The following PDZD8 variants were observed in gnomAD, a reference collection of about 807,000 sequenced individuals.
PDZD8 encodes the protein PDZ domain containing 8, also known as PDZ domain-containing protein 8.
A neutral mutation model predicts 85.8 loss-of-function variants in PDZD8; 14 were observed. That is an observed-to-expected ratio of 0.16 (90% CI 0.11 to 0.26). The LOEUF is 0.26. Among genes scored for constraint, PDZD8 ranks in the 10% least tolerant of loss-of-function variants. The pLI, the probability that PDZD8 is intolerant of heterozygous loss-of-function variation, is 1.00. For missense variants in PDZD8, 1,197 were observed against 1,424.3 expected, an observed-to-expected ratio of 0.84 and a Z score of 2.57; for synonymous variants, 592 against 568.6, an observed-to-expected ratio of 1.04 and a Z score of -0.59.
chr10:117,305,413 A>T (rs1486350943), intron 3 of PDZD8, among the ~76,000 whole-genome samples: 1 of 151,606 alleles, frequency 6.6e-6, no homozygotes, highest in Non-Finnish European at 1.5e-5. Flanking sequence ...ACTCTGTCTC[A>T]AAAACAAACA....
At chr10:117,367,105 A>G (rs1030253468) in intron 1 of PDZD8, among the ~76,000 whole-genome samples, 3 of 152,166 alleles carry the variant, frequency 2.0e-5, no homozygotes, top group Admixed American at 6.5e-5. Flanking sequence ...ATACTTGTAC[A>G]TTACTGATTT....
intron 1 of PDZD8, among the ~76,000 whole-genome samples, chr10:117,357,156 G>T (rs1390265502): frequency 6.6e-6 from 1 of 152,174 alleles, no homozygotes; most frequent in African/African-American, 2.4e-5. Flanking sequence ...ACTTTGGAAG[G>T]CCACAGAAGG....
chr10:117,298,991 G>A (rs1843801812), intron 3 of PDZD8, among the ~76,000 whole-genome samples: 1 of 151,992 alleles, frequency 6.6e-6, no homozygotes, highest in South Asian at 2.1e-4. Flanking sequence ...TGCAAAATGA[G>A]GCAGTACAAT....
chr10:117,287,467 A>T (rs1373713563), intron 4 of PDZD8, among the ~76,000 whole-genome samples: 1 of 152,192 alleles, frequency 6.6e-6, no homozygotes, highest in African/African-American at 2.4e-5. Flanking sequence ...ACTACTGGAC[A>T]TCACCACCTG....
At chr10:117,305,019 C>T (rs1033184840) in intron 3 of PDZD8, among the ~76,000 whole-genome samples, 1 of 152,286 alleles carries the variant, frequency 6.6e-6, no homozygotes, top group Middle Eastern at 3.4e-3. Context: ...TCATCCATGT[C>T]TGTGGGTTCT....
chr10:117,324,181 T>C (rs577419880), intron 2 of PDZD8, among the ~76,000 whole-genome samples: 5 of 120,420 alleles, frequency 4.2e-5, no homozygotes, highest in African/African-American at 6.7e-5. Flanking sequence ...TGAGCCAAGA[T>C]GGTCCAGCGT....
At chr10:117,343,428 TTA>T (rs1250539615) in intron 1 of PDZD8, among the ~76,000 whole-genome samples, 1 of 152,162 alleles carries the variant, frequency 6.6e-6, no homozygotes, top group Non-Finnish European at 1.5e-5. Flanking sequence ...CACCAAATTT[TTA>T]GAGGGAAAAA....
chr10:117,300,857 T>A (rs1390189526), intron 3 of PDZD8, among the ~76,000 whole-genome samples: 1 of 152,156 alleles, frequency 6.6e-6, no homozygotes, highest in Non-Finnish European at 1.5e-5. Context: ...AGACAGTGAA[T>A]CTGCTGGTGC....
At chr10:117,304,258 T>G (rs891431475) in intron 3 of PDZD8, among the ~76,000 whole-genome samples, 1 of 152,218 alleles carries the variant, frequency 6.6e-6, no homozygotes, top group African/African-American at 2.4e-5. Flanking sequence ...AAAATTTGAC[T>G]GCCCTTCTGG....
At chr10:117,319,313 CAA>C (rs1844184610) in intron 2 of PDZD8, among the ~76,000 whole-genome samples, 2 of 151,472 alleles carry the variant, frequency 1.3e-5, no homozygotes, top group Admixed American at 1.3e-4. Flanking sequence ...TAAAAACAAA[CAA>C]GATGCAGAAT....
intron 1 of PDZD8, among the ~76,000 whole-genome samples, chr10:117,349,061 A>G (rs969673079): frequency 1.3e-5 from 2 of 152,192 alleles, no homozygotes; most frequent in Non-Finnish European, 2.9e-5. Context: ...TCCTTTTATT[A>G]AAAAGTTACA....
chr10:117,360,370 A>G (rs1844975936), intron 1 of PDZD8, among the ~76,000 whole-genome samples: 1 of 152,182 alleles, frequency 6.6e-6, no homozygotes, highest in South Asian at 2.1e-4. Context: ...CCTATGATCA[A>G]TTAAATCAAA....
intron 3 of PDZD8, among the ~76,000 whole-genome samples, chr10:117,307,090 G>A (rs1172393376): frequency 6.6e-6 from 1 of 152,070 alleles, no homozygotes; most frequent in African/African-American, 2.4e-5. Flanking sequence ...ACTACTGCCT[G>A]TTGGCTACTT....
intron 2 of PDZD8, among the ~76,000 whole-genome samples, chr10:117,336,038 G>A (rs1844510829): frequency 6.6e-6 from 1 of 152,142 alleles, no homozygotes; most frequent in African/African-American, 2.4e-5. Context: ...TGGAATATTT[G>A]CTTATATTTA....
chr10:117,364,181 G>GGTGTGT (rs71938439), intron 1 of PDZD8, among the ~76,000 whole-genome samples: 4,064 of 149,042 alleles, frequency 0.027, 200 homozygotes, highest in African/African-American at 0.096. Flanking sequence ...ATAATTTATG[G>GGTGTGT]GTGTGTGTGT....
chr10:117,293,429 A>C (rs532908058), intron 3 of PDZD8, among the ~76,000 whole-genome samples: 4 of 152,142 alleles, frequency 2.6e-5, no homozygotes, highest in Non-Finnish European at 5.9e-5. Context: ...TGGCTTCAAC[A>C]TGCATTCCCT....
chr10:117,285,636 A>C, intron 4 of PDZD8, 165 bp from the exon 5 acceptor site: 1 of 1,178,556 alleles, frequency 8.5e-7, no homozygotes, highest in East Asian at 2.9e-5. Flanking sequence ...TGGCTTTTGG[A>C]TGAATCAGTG....
At chr10:117,294,895 AAG>A (rs1843729158) in intron 3 of PDZD8, among the ~76,000 whole-genome samples, 1 of 152,164 alleles carries the variant, frequency 6.6e-6, no homozygotes, top group Non-Finnish European at 1.5e-5. Flanking sequence ...TGGCTATAAA[AAG>A]TTACAGTTAG....
chr10:117,330,942 T>C (rs1844411411), intron 2 of PDZD8, among the ~76,000 whole-genome samples: 1 of 152,224 alleles, frequency 6.6e-6, no homozygotes, highest in African/African-American at 2.4e-5. Context: ...TCCATCTAGT[T>C]TCCTGAATCT....
Sources: gnomAD v4.1 joint callset for allele counts (sites outside exome capture counted in the v4.1 genomes callset) on GRCh38, gnomAD v4.1.1 for gene constraint, MANE v1.5 for transcripts, NCBI Gene and HGNC (gene_info 2026-07-23, HGNC 2026-07-21) for gene names.